The following SMOC1 variants were observed in gnomAD, a reference collection of about 807,000 sequenced individuals.
SMOC1 encodes the protein SPARC related modular calcium binding 1, also known as SPARC-related modular calcium-binding protein 1.
A neutral mutation model predicts 56.3 loss-of-function variants in SMOC1; 22 were observed. That is an observed-to-expected ratio of 0.39 (90% CI 0.28 to 0.56). The LOEUF (loss-of-function observed/expected upper bound fraction) is 0.56, where lower values mean the gene tolerates loss of function less well. SMOC1 is among the 20% of genes least tolerant of loss of function. The pLI, the probability that SMOC1 is intolerant of heterozygous loss-of-function variation, is 0.61. For synonymous variants in SMOC1, 193 were observed against 215.0 expected, an observed-to-expected ratio of 0.90 and a Z score of 0.89; for missense variants, 509 against 565.4, an observed-to-expected ratio of 0.90 and a Z score of 1.01.
intron 1 of SMOC1, among the ~76,000 whole-genome samples, chr14:69,948,516 CCT>C (rs1882874178): frequency 6.6e-6 from 1 of 152,044 alleles, no homozygotes; most frequent in Non-Finnish European, 1.5e-5. Flanking sequence ...GCTGCTGTGG[CCT>C]CTCTCTCAGT....
At chr14:69,889,287 C>T (rs1883896594) in intron 1 of SMOC1, among the ~76,000 whole-genome samples, 1 of 152,192 alleles carries the variant, frequency 6.6e-6, no homozygotes, top group African/African-American at 2.4e-5. Flanking sequence ...TTCTGTCTGT[C>T]AGAATCCTGC....
chr14:69,996,891 G>A (rs1234716460), intron 7 of SMOC1, among the ~76,000 whole-genome samples: 1 of 152,184 alleles, frequency 6.6e-6, no homozygotes, highest in Non-Finnish European at 1.5e-5. Flanking sequence ...ACAAAGGCCT[G>A]TAACAGGGGT....
At chr14:70,013,299 A>T (rs1049917858) in intron 9 of SMOC1, 87 bp from the exon 10 acceptor site, 23 of 1,197,878 alleles carry the variant, frequency 1.9e-5, no homozygotes, top group African/African-American at 3.0e-5. Context: ...AAGGGCTTTG[A>T]GAAGTTTAGG....
intron 11 of SMOC1, among the ~76,000 whole-genome samples, chr14:70,027,953 C>A (rs577779831): frequency 3.9e-4 from 60 of 152,292 alleles, no homozygotes; most frequent in African/African-American, 1.3e-3. Context: ...GCTCCGGGAG[C>A]AGAGCCTATG....
Position 69,900,813 on chromosome 14 carries a change from T to C in SMOC1, c.99+21036T>C, listed in dbSNP as rs543122002. Among the ~76,000 whole-genome samples the C allele has an allele frequency of 9.2e-5, 14 of 152,400 alleles. No homozygotes were observed. The South Asian group carries it at 1.0e-3, about 11-fold the overall frequency. ...CAAGGTGAATTGCACTTCTCCATCA[T>C]TGTGCTTGCCACAGCTGATTAAACT... On this transcript the variant is annotated intron_variant, in intron 1 of 11. Coordinates refer to ENST00000361956, the MANE Select transcript of SMOC1 (RefSeq NM_001034852.3).
intron 1 of SMOC1, among the ~76,000 whole-genome samples, chr14:69,937,626 G>C (rs555858045): frequency 1.6e-4 from 24 of 152,324 alleles, no homozygotes; most frequent in African/African-American, 5.8e-4. Flanking sequence ...TTGTCTGAGC[G>C]ACGCAGTGGG....
chr14:69,957,658 A>G (rs1051460771), intron 3 of SMOC1, among the ~76,000 whole-genome samples: 2 of 152,208 alleles, frequency 1.3e-5, no homozygotes, highest in South Asian at 2.1e-4. Context: ...AGATTATGGA[A>G]ATTAAAAAAA....
At chr14:69,958,330 G>A (rs1883261098) in intron 3 of SMOC1, among the ~76,000 whole-genome samples, 1 of 152,082 alleles carries the variant, frequency 6.6e-6, no homozygotes, top group Non-Finnish European at 1.5e-5. Flanking sequence ...ACAACAAAGA[G>A]CTAATCTTAT....
chr14:70,022,631 G>C (rs938179186), intron 10 of SMOC1, among the ~76,000 whole-genome samples: 1 of 152,214 alleles, frequency 6.6e-6, no homozygotes, highest in Non-Finnish European at 1.5e-5. Context: ...TGGACCGTGG[G>C]AACCTCACAC....
rs560178429 is a variant in SMOC1 at position 69,986,317 on chromosome 14, A to C, written c.527-6100A>C. Among the ~76,000 whole-genome samples the C allele has an allele frequency of 3.3e-5, 5 of 152,300 alleles. No individual in the cohort carries two copies. In the East Asian group the frequency reaches 9.6e-4, roughly 29 times the overall value. The stretch of plus-strand genomic sequence containing the variant: ...AGGGAGATCTTTGTGCTGATGGAAT[A>C]GTTCTAGGCTGATGGTGGTGGTGGT... On this transcript the variant is annotated intron_variant, in intron 5 of 11. Coordinates refer to ENST00000361956, the MANE Select transcript of SMOC1 (RefSeq NM_001034852.3).
intron 1 of SMOC1, among the ~76,000 whole-genome samples, chr14:69,946,616 G>A (rs767138661): frequency 1.3e-5 from 2 of 152,210 alleles, no homozygotes; most frequent in Non-Finnish European, 2.9e-5. Context: ...GAGATGGCTT[G>A]CTCCTGCCCA....
At chr14:69,884,119 G>T (rs1240553353) in intron 1 of SMOC1, among the ~76,000 whole-genome samples, 1 of 151,066 alleles carries the variant, frequency 6.6e-6, no homozygotes, top group African/African-American at 2.4e-5. Context: ...TGTTAGCCAG[G>T]ATGGTCTCGA....
At chr14:69,888,662 G>C (rs529097500) in intron 1 of SMOC1, among the ~76,000 whole-genome samples, 2 of 135,722 alleles carry the variant, frequency 1.5e-5, no homozygotes, top group Non-Finnish European at 3.3e-5. Context: ...ATAAGATAAG[G>C]GCTGAAAGCC....
chr14:69,984,680 T>TAA (rs56194241), intron 5 of SMOC1, among the ~76,000 whole-genome samples: 1 of 127,916 alleles, frequency 7.8e-6, no homozygotes, highest in Admixed American at 8.1e-5. Context: ...CTATCTCTAC[T>TAA]AAAAAAAAAA....
chr14:69,989,190 C>T (rs148343930), intron 5 of SMOC1, among the ~76,000 whole-genome samples: 9 of 152,320 alleles, frequency 5.9e-5, no homozygotes, highest in African/African-American at 2.2e-4. Context: ...CACATCCTTA[C>T]CAACACTTAA....
At chr14:69,893,744 T>G (rs1222626356) in intron 1 of SMOC1, among the ~76,000 whole-genome samples, 1 of 152,170 alleles carries the variant, frequency 6.6e-6, no homozygotes, top group African/African-American at 2.4e-5. Context: ...GTAAGACAGG[T>G]GCCATGGGCT....
chr14:69,908,642 A>G (rs1248534980), intron 1 of SMOC1, among the ~76,000 whole-genome samples: 1 of 152,132 alleles, frequency 6.6e-6, no homozygotes, highest in African/African-American at 2.4e-5. Context: ...TGCTTTCCTC[A>G]TCTGGCCTTT....
intron 1 of SMOC1, among the ~76,000 whole-genome samples, chr14:69,943,449 A>G (rs1445413929): frequency 1.3e-5 from 2 of 152,154 alleles, no homozygotes; most frequent in Admixed American, 1.3e-4. Flanking sequence ...AATGCAGATG[A>G]CGAATTTGAT....
At chr14:69,931,052 G>A (rs1278586614) in intron 1 of SMOC1, among the ~76,000 whole-genome samples, 3 of 152,272 alleles carry the variant, frequency 2.0e-5, no homozygotes, top group Non-Finnish European at 1.5e-5. Context: ...GCCAGAACAA[G>A]CAGCTGAAAA....
Sources: allele counts gnomAD v4.1 joint callset (sites outside exome capture counted in the v4.1 genomes callset), GRCh38; gene constraint gnomAD v4.1.1; transcripts MANE v1.5; gene names NCBI Gene and HGNC (gene_info 2026-07-23, HGNC 2026-07-21).